The following SSR4 variants were observed in gnomAD, a reference collection of about 807,000 sequenced individuals.
SSR4 encodes signal sequence receptor subunit 4, also known as translocon-associated protein subunit delta.
For missense variants in SSR4, 125 were observed against 148.8 expected, an observed-to-expected ratio of 0.84 and a Z score of 0.83; for synonymous variants, 84 against 65.6, an observed-to-expected ratio of 1.28 and a Z score of -1.35.
In SSR4 at chrX:153,794,734, C is replaced by T. The variant is rs2092128799; in HGVS notation, c.47C>T (p.Ser16Phe). Residue 16 changes from serine to phenylalanine, a missense_variant, in exon 1 of 6, where the codon TCC becomes TTC. Physicochemically the swap from Ser to Phe is radical, Grantham distance 155. Transcript: ENST00000370086. ...SLGALALLLL[S>F]SLSRCSAEAC... ...GGCGCCCTGGCGCTGCTCCTGCTGT[C>T]CAGCCTCTCCCGCTGCTCAGGTAGC... 9.1e-6 allele frequency: 11 copies of T among 1,211,635 alleles called. No homozygotes were observed. Among genetic ancestry groups the T allele is most frequent in the Non-Finnish European group, 1.2e-5 (11 of 895,336 alleles).
At chrX:153,798,306 G>T in intron 5 of SSR4, 23 bp from the exon 6 acceptor site, 1 of 1,205,908 alleles carries the variant, frequency 8.3e-7, no homozygotes. Context: ...CCCTGAGCTG[G>T]CTTGTGATCT....
chrX:153,797,664 G>C (rs782167377), intron 3 of SSR4, 61 bp from the exon 4 acceptor site: 12 of 1,121,619 alleles, frequency 1.1e-5, no homozygotes, highest in Non-Finnish European at 1.5e-5. Context: ...TGTCGGCACT[G>C]GTGGTCAGGG....
intron 3 of SSR4, 64 bp from the exon 4 acceptor site, chrX:153,797,661 A>T: frequency 8.9e-7 from 1 of 1,128,717 alleles, no homozygotes; most frequent in Non-Finnish European, 1.2e-6. Flanking sequence ...CAGTGTCGGC[A>T]CTGGTGGTCA....
upstream of SSR4, chrX:153,794,426 C>T: frequency 8.8e-7 from 1 of 1,138,188 alleles, no homozygotes; most frequent in East Asian, 3.3e-5. Context: ...GGACCCGGTA[C>T]TGCGCACGCG....
At chrX:153,797,622 G>T in intron 3 of SSR4, 90 bp downstream of exon 3, 1 of 1,119,374 alleles carries the variant, frequency 8.9e-7, no homozygotes, top group Non-Finnish European at 1.2e-6. Context: ...CAGGGCCAGG[G>T]GCCGTGGGCT....
At chrX:153,794,936 GC>G in intron 1 of SSR4, 182 bp downstream of exon 1, 1 of 525,994 alleles carries the variant, frequency 1.9e-6, no homozygotes, top group Non-Finnish European at 3.0e-6. Context: ...TTTACCGGCA[GC>G]CAGGCTTTTC....
chrX:153,798,000 T>TGCCCGCCCCC, intron 4 of SSR4, 71 bp from the exon 5 acceptor site: 1 of 704,005 alleles, frequency 1.4e-6, no homozygotes, highest in Non-Finnish European at 2.3e-6. Flanking sequence ...TACCTGTCTT[T>TGCCCGCCCCC]CCCCTCCCCT....
At position 153,797,552 on chromosome X, in the gene SSR4, C is replaced by T. The variant is rs1557072874; in HGVS notation, c.261+20C>T. On this transcript the variant is annotated intron_variant, in intron 3 of 5. Transcript: ENST00000370086. ...TATCAGGTGAGGGGCCAATGGTTCC[C>T]TTGCTAGGGGGCTCCCTGCTCCCGG... 2.5e-6 allele frequency: 3 copies of T among 1,197,808 alleles called. No homozygotes were observed. The highest frequency in any genetic ancestry group is 3.0e-5 in the East Asian group (1 of 33,791).
chrX:153,797,356 G>A, intron 2 of SSR4, 102 bp from the exon 3 acceptor site: 1 of 725,319 alleles, frequency 1.4e-6, no homozygotes, highest in Middle Eastern at 3.9e-4. Context: ...CCCCAACTGG[G>A]CCTAGCCTGC....
chrX:153,796,401 C>T, intron 1 of SSR4, 33 bp from the exon 2 acceptor site: 1 of 1,070,657 alleles, frequency 9.3e-7, no homozygotes, highest in Non-Finnish European at 1.3e-6. Context: ...CTCGAGCTGG[C>T]CTTACCCAGG....
In SSR4 at chrX:153,798,479, A is replaced by T; in HGVS notation, c.*46A>T. 9.1e-7 allele frequency: 1 copy of T among 1,098,453 alleles called. No individual in the cohort carries two copies. The allele number at this position is 1,098,453 out of a possible 1,213,427, so 90.5% of individuals were successfully genotyped here. A position where few individuals can be genotyped will look rare whatever the true frequency, so the allele number is the denominator to read the frequency against. ...CCTTGCTTCCTTCAATAAACATCAC[A>T]GGACCTGGGACTGCACAGGACCTGG... On this transcript the variant is annotated 3_prime_UTR_variant, in exon 6 of 6. Transcript: ENST00000370086.
upstream of SSR4, chrX:153,794,340 A>G (rs2092124255): frequency 8.4e-7 from 1 of 1,189,466 alleles, no homozygotes; most frequent in Non-Finnish European, 1.1e-6. Context: ...GGAAAGTGAG[A>G]GCCTCCGCAC....
intron 1 of SSR4, chrX:153,795,077 G>A: frequency 3.5e-6 from 1 of 286,059 alleles, no homozygotes; most frequent in Non-Finnish European, 6.2e-6. Context: ...AAGCTCTGTA[G>A]CGCTGAGCGA....
intron 2 of SSR4, 30 bp downstream of exon 2, chrX:153,796,582 C>A: frequency 1.3e-6 from 1 of 780,322 alleles, no homozygotes; most frequent in Non-Finnish European, 1.9e-6. Flanking sequence ...GACAGGAGGG[C>A]GGGTGGGGGG....
chrX:153,796,697 T>C, intron 2 of SSR4, 145 bp downstream of exon 2: 2 of 498,696 alleles, frequency 4.0e-6, no homozygotes. Flanking sequence ...TGCCAGATCC[T>C]AGCCAGTGTT....
chrX:153,795,157 GAGCGGGGCGAGTTAGATGGGGAGCCAA>G (rs1264008063), intron 1 of SSR4: 4 of 164,632 alleles, frequency 2.4e-5, no homozygotes, highest in South Asian at 1.3e-4. Context: ...GAGGGAGCAA[GAGCGGGGCGAGTTAGATGGGGAGCCAA>G]AGGTGCGCAG....
chrX:153,795,965 C>T, intron 1 of SSR4: 1 of 477,968 alleles, frequency 2.1e-6, no homozygotes, highest in Non-Finnish European at 2.6e-6. Context: ...TGTCAACTGG[C>T]CGGGGGCAGA....
At chrX:153,797,299 G>A (rs983416183) in intron 2 of SSR4, 159 bp from the exon 3 acceptor site, 87 of 473,489 alleles carry the variant, frequency 1.8e-4, no homozygotes, top group Non-Finnish European at 3.1e-4. Context: ...GGCCAGTCAC[G>A]GGATTGGTGA....
intron 4 of SSR4, 125 bp downstream of exon 4, chrX:153,797,939 T>C (rs782184203): frequency 1.3e-5 from 11 of 876,833 alleles, no homozygotes; most frequent in African/African-American, 5.9e-5. Flanking sequence ...TTCCTCAGTG[T>C]CTCTTGCCCA....
Sources: allele counts gnomAD v4.1 joint callset, GRCh38; gene constraint gnomAD v4.1.1; transcripts MANE v1.5; gene names NCBI Gene and HGNC (gene_info 2026-07-23, HGNC 2026-07-21).